Variants in KIAA1614 observed in about 807,000 individuals in gnomAD.
KIAA1614 encodes the protein KIAA1614.
A neutral mutation model predicts 88.7 loss-of-function variants in KIAA1614; 76 were observed. That is an observed-to-expected ratio of 0.86 (90% CI 0.71 to 1.04). The LOEUF is 1.04. Among genes scored for constraint, KIAA1614 ranks in the 50% least tolerant of loss-of-function variants. KIAA1614 has a pLI of 0.00. For synonymous variants in KIAA1614, 714 were observed against 675.5 expected (o/e 1.06, Z -0.88); for missense variants, 1,553 against 1,582.5 (o/e 0.98, Z 0.32).
chr1:180,927,127 A>G (rs1654086330), intron 3 of KIAA1614, among the ~76,000 whole-genome samples: 1 of 152,050 alleles, frequency 6.6e-6, no homozygotes, highest in Non-Finnish European at 1.5e-5. Context: ...GAGGCCTCAG[A>G]GCTGTGCCAT....
Position 180,916,655 on chromosome 1 carries a change from C to T in KIAA1614, c.552C>T (p.Ser184=). The change falls in exon 2 of 9, where the codon AGC becomes AGT. Residue 184 remains serine, a synonymous_variant. Coordinates refer to ENST00000367588, the MANE Select transcript of KIAA1614 (RefSeq NM_020950.2). ...APGREYCNRG[S]PWPPEAEWTL... ...GACGTGAGTACTGCAACAGGGGGAG[C>T]CCGTGGCCTCCAGAAGCCGAATGGA... is the stretch of plus-strand genomic sequence containing the variant. 6.2e-7 allele frequency: 1 copy of T among 1,600,118 alleles called. No individual in the cohort carries two copies. Among genetic ancestry groups the T allele is most frequent in the Non-Finnish European group, 8.5e-7 (1 of 1,171,948 alleles).
chr1:180,913,769 A>G (rs1161424163), intron 1 of KIAA1614: 2 of 152,676 alleles, frequency 1.3e-5, no homozygotes, highest in African/African-American at 4.8e-5. Flanking sequence ...ACAAAAAGTT[A>G]TTTTAACTTA....
At chr1:180,932,374 T>TAA (rs59739751) in intron 4 of KIAA1614, among the ~76,000 whole-genome samples, 2 of 151,434 alleles carry the variant, frequency 1.3e-5, no homozygotes, top group Non-Finnish European at 2.9e-5. Context: ...TCTTTCTCCA[T>TAA]AAAAAAAAAT....
Position 180,916,165 on chromosome 1 carries a change from CAG to C in KIAA1614, c.63_64del (p.Gly22GlufsTer19). 6.4e-7 allele frequency: 1 copy of C among 1,563,038 alleles called. No homozygotes were observed. The highest frequency in any genetic ancestry group is 8.7e-7 in the Non-Finnish European group (1 of 1,154,804). On this transcript the variant is annotated frameshift_variant, in exon 2 of 9. Transcript: ENST00000367588. LOFTEE classifies it high-confidence loss of function. ...GTTTTCTCCTCCAGAGGGCCCAAGACAGGGAGTGGAACAGCCAGCCCCGTGGA... is the reference window on the plus strand; with the variant it reads ...GTTTTCTCCTCCAGAGGGCCCAAGACGGAGTGGAACAGCCAGCCCCGTGGA...
chr1:180,926,941 C>G (rs946301784), intron 3 of KIAA1614, among the ~76,000 whole-genome samples: 3 of 152,212 alleles, frequency 2.0e-5, no homozygotes, highest in Admixed American at 2.0e-4. Flanking sequence ...ATGCCTGGGC[C>G]CTGCCAGGGT....
Position 180,938,658 on chromosome 1 carries a change from A to G in KIAA1614, c.2865A>G (p.Ser955=). ...SSEESESSKE[S]EGSLQRTGSG... is the part of the protein sequence containing the mutation. The stretch of plus-strand genomic sequence containing the variant: ...AGGAGTCAGAGTCCAGCAAGGAATC[A>G]GAGGGAAGCCTGCAGAGGACAGGGT... Residue 955 remains serine, a synonymous_variant, in exon 6 of 9, where the codon TCA becomes TCG. Coordinates refer to ENST00000367588, the MANE Select transcript of KIAA1614 (RefSeq NM_020950.2). The G allele has an allele frequency of 6.2e-7, 1 of 1,614,092 alleles. No homozygotes were observed. Among genetic ancestry groups the G allele is most frequent in the East Asian group, 2.2e-5 (1 of 44,902 alleles).
chr1:180,919,042 T>C (rs1044550160), intron 3 of KIAA1614, among the ~76,000 whole-genome samples: 6 of 152,108 alleles, frequency 3.9e-5, no homozygotes, highest in Non-Finnish European at 8.8e-5. Context: ...ACTAATCCCA[T>C]TCATGAGGGC....
At position 180,924,886 on chromosome 1, in the gene KIAA1614, AAAT is replaced by A. The variant is rs10522338; in HGVS notation, c.1062-3523_1062-3521del. Among the ~76,000 whole-genome samples, 229 of 142,634 alleles carry A rather than the reference AAAT, an allele frequency of 1.6e-3. 1 individual carries two copies. Among genetic ancestry groups the A allele is most frequent in the African/African-American group, 5.7e-3 (224 of 39,474 alleles). 93.6% of individuals were successfully genotyped at this position (142,634 alleles called of 152,430 possible). A position where few individuals can be genotyped will look rare whatever the true frequency, so the allele number is the denominator to read the frequency against. Reference sequence around the variant, plus strand: ...TAACAAAACAATGGTGCTAATGATAAAATAATAATAATAATAATAATAAATGCT... The same window carrying A: ...TAACAAAACAATGGTGCTAATGATAAAATAATAATAATAATAATAAATGCT... On this transcript the variant is annotated intron_variant, in intron 3 of 8. Coordinates refer to ENST00000367588, the MANE Select transcript of KIAA1614 (RefSeq NM_020950.2).
intron 3 of KIAA1614, among the ~76,000 whole-genome samples, chr1:180,918,373 T>C (rs558437538): frequency 1.3e-5 from 2 of 152,302 alleles, no homozygotes; most frequent in Non-Finnish European, 2.9e-5. Context: ...GTCAAAGATT[T>C]CACCTCCAAC....
chr1:180,919,652 G>A (rs889571155), intron 3 of KIAA1614, among the ~76,000 whole-genome samples: 1 of 152,158 alleles, frequency 6.6e-6, no homozygotes, highest in Admixed American at 6.5e-5. Context: ...CTGCTCAGTG[G>A]CCACTGCTGA....
chr1:180,939,131 G>C (rs535150468), intron 6 of KIAA1614, among the ~76,000 whole-genome samples: 1 of 152,146 alleles, frequency 6.6e-6, no homozygotes, highest in Non-Finnish European at 1.5e-5. Flanking sequence ...GGGGGGAGTG[G>C]GGGAAGGGTG....
Position 180,945,672 on chromosome 1 carries a change from G to T in KIAA1614, c.*84G>T, listed in dbSNP as rs985236743. The T allele has an allele frequency of 7.5e-6, 11 of 1,475,536 alleles. No individual in the cohort carries two copies. Among genetic ancestry groups the T allele is most frequent in the Non-Finnish European group, 8.9e-6 (10 of 1,122,958 alleles). The allele number at this position is 1,475,536 out of a possible 1,614,324, so 91.4% of individuals were successfully genotyped here. On this transcript the variant is annotated 3_prime_UTR_variant, in exon 9 of 9. Transcript: ENST00000367588. The stretch of plus-strand genomic sequence containing the variant: ...AGGGGCTCTTTCTGAATTGTCCAGG[G>T]CTCTCTAGGAGTCTGCACCTGCAGA...
At chr1:180,923,141 G>C (rs1653990902) in intron 3 of KIAA1614, among the ~76,000 whole-genome samples, 1 of 152,236 alleles carries the variant, frequency 6.6e-6, no homozygotes. Flanking sequence ...CAGCTGTCCT[G>C]AAGCTGTCCT....
chr1:180,922,224 G>C (rs1309463558), intron 3 of KIAA1614, among the ~76,000 whole-genome samples: 1 of 152,258 alleles, frequency 6.6e-6, no homozygotes, highest in African/African-American at 2.4e-5. Context: ...TAGTTACAGG[G>C]AGAAGGGAGC....
chr1:180,931,406 C>G (rs1373727501), intron 4 of KIAA1614, among the ~76,000 whole-genome samples: 1 of 152,174 alleles, frequency 6.6e-6, no homozygotes, highest in African/African-American at 2.4e-5. Context: ...CCCTGTGAAG[C>G]CATATGTCTC....
intron 4 of KIAA1614, among the ~76,000 whole-genome samples, chr1:180,934,535 A>G (rs1483375419): frequency 6.6e-6 from 1 of 151,744 alleles, no homozygotes; most frequent in African/African-American, 2.4e-5. Flanking sequence ...GGCTGTAGTG[A>G]ACCGAGATCA....
At position 180,950,397 on chromosome 1, in the gene KIAA1614, TG is replaced by T; in HGVS notation, c.*4814del. The stretch of plus-strand genomic sequence containing the variant: ...ATGGCCAAGCTGTACTCAGGGCTGC[TG>T]GGGGTGGGCGATGAGATCCTCGAGG... On this transcript the variant is annotated 3_prime_UTR_variant, in exon 9 of 9. Transcript: ENST00000367588. 1.6e-6 allele frequency: 2 copies of T among 1,235,520 alleles called. No individual in the cohort carries two copies. Among genetic ancestry groups the T allele is most frequent in the Non-Finnish European group, 2.1e-6 (2 of 960,864 alleles). The allele number at this position is 1,235,520 out of a possible 1,614,324, so 76.5% of individuals were successfully genotyped here. A position where few individuals can be genotyped will look rare whatever the true frequency, so the allele number is the denominator to read the frequency against.
At position 180,945,380 on chromosome 1, in the gene KIAA1614, G is replaced by C; in HGVS notation, c.3365G>C (p.Arg1122Pro). 6.3e-7 allele frequency: 1 copy of C among 1,599,284 alleles called. No homozygotes were observed. Among genetic ancestry groups the C allele is most frequent in the Non-Finnish European group, 8.5e-7 (1 of 1,175,420 alleles). ...GAPSLARTVG[R>P]LVEVFPDGTS... ...CCCAGCCTGGCTCGCACCGTGGGCC[G>C]CCTGGTGGAGGTGTTCCCAGACGGC... Residue 1122 changes from arginine to proline, a missense_variant, in exon 9 of 9, where the codon CGC becomes CCC. Coordinates refer to ENST00000367588, the MANE Select transcript of KIAA1614 (RefSeq NM_020950.2).
rs368904135 is a variant in KIAA1614, at chr1:180,916,547, T to C, written c.444T>C (p.Pro148=). 1.4e-4 allele frequency: 220 copies of C among 1,612,922 alleles called. No homozygotes were observed. The highest frequency in any genetic ancestry group is 1.7e-4 in the Non-Finnish European group (205 of 1,179,322). Residue 148 remains proline, a synonymous_variant, in exon 2 of 9, where the codon CCT becomes CCC. Transcript: ENST00000367588. ...TGGCTCCTCGTACCCAAAACCTGCC[T>C]GATGGGCAGCTGGACGGCAGCATCA... ...AVVAPRTQNL[P]DGQLDGSINE...
Sources: gnomAD v4.1 joint callset for allele counts (sites outside exome capture counted in the v4.1 genomes callset) on GRCh38, gnomAD v4.1.1 for gene constraint, MANE v1.5 for transcripts, NCBI Gene and HGNC (gene_info 2026-07-23, HGNC 2026-07-21) for gene names.